Variants in ATP7A observed in about 807,000 individuals in gnomAD.
ATP7A encodes copper-transporting ATPase 1.
In ATP7A, 7 loss-of-function variants were observed where a neutral mutation model predicts 83.5. That is an observed-to-expected ratio of 0.08 (90% CI 0.05 to 0.16). The LOEUF is 0.16. ATP7A is among the 10% of genes least tolerant of loss of function. The pLI is 1.00. For missense variants in ATP7A, 940 were observed against 1,120.8 expected (o/e 0.84, Z 2.30); for synonymous variants, 354 against 395.2 (o/e 0.90, Z 1.24).
intron 18 of ATP7A, among the ~76,000 whole-genome samples, chrX:78,039,379 A>G (rs1384720893): frequency 9.0e-6 from 1 of 110,946 alleles, no homozygotes; most frequent in Non-Finnish European, 1.9e-5. Context: ...TGTTGCCCAA[A>G]CTGGAGTGCA....
intron 17 of ATP7A, among the ~76,000 whole-genome samples, chrX:78,037,266 A>G (rs2078019355): frequency 8.9e-6 from 1 of 112,188 alleles, no homozygotes; most frequent in African/African-American, 3.2e-5. Context: ...CTGCTTATAG[A>G]TCTGTGGTGT....
intron 17 of ATP7A, among the ~76,000 whole-genome samples, chrX:78,038,574 C>T (rs2078028340): frequency 9.0e-6 from 1 of 111,377 alleles, no homozygotes; most frequent in African/African-American, 3.3e-5. Flanking sequence ...TTTGAACTGG[C>T]TCTTGAAGAA....
intron 4 of ATP7A, among the ~76,000 whole-genome samples, chrX:77,995,567 CAAAAAA>C (rs1232051931): frequency 2.9e-5 from 1 of 35,026 alleles, no homozygotes; most frequent in Non-Finnish European, 4.9e-5. Flanking sequence ...GACTCCATCT[CAAAAAA>C]AAAAAAAAAA....
intron 4 of ATP7A, among the ~76,000 whole-genome samples, chrX:77,992,248 A>G (rs1351135402): frequency 9.2e-6 from 1 of 108,778 alleles, no homozygotes; most frequent in Non-Finnish European, 1.9e-5. Context: ...TATTTTTAGT[A>G]GAGATGGGGT....
At chrX:78,003,443 A>T (rs1178279953) in intron 6 of ATP7A, among the ~76,000 whole-genome samples, 2 of 111,114 alleles carry the variant, frequency 1.8e-5, no homozygotes, top group African/African-American at 6.5e-5. Flanking sequence ...TAACCAAAAA[A>T]GAATTGGGTA....
chrX:78,014,426 A>T (rs969099578), intron 10 of ATP7A, among the ~76,000 whole-genome samples: 2 of 110,844 alleles, frequency 1.8e-5, no homozygotes, highest in Admixed American at 9.8e-5. Flanking sequence ...ATAAATAAAT[A>T]AATAATAAAA....
intron 4 of ATP7A, 56 bp downstream of exon 4, chrX:77,990,014 C>T: frequency 8.4e-7 from 1 of 1,190,455 alleles, no homozygotes; most frequent in Non-Finnish European, 1.1e-6. Context: ...CATTTTGCTG[C>T]TTCTTTTGGC....
chrX:77,932,357 A>C (rs1359307279), intron 1 of ATP7A, among the ~76,000 whole-genome samples: 4 of 80,578 alleles, frequency 5.0e-5, no homozygotes, highest in Admixed American at 1.4e-4. Context: ...GGCGGCCGGG[A>C]AGAGGCGCTC....
rs1357268685 is a variant in ATP7A, at chrX:78,047,183, T to C, written c.*613T>C. On this transcript the variant is annotated 3_prime_UTR_variant, in exon 23 of 23. Coordinates refer to ENST00000341514, the MANE Select transcript of ATP7A (RefSeq NM_000052.7). The stretch of plus-strand genomic sequence containing the variant: ...TTAGATGCTCCAATATGTCTTCTTT[T>C]GTTATTTTCTTTCGAGCTAACCAAG... The C allele has an allele frequency of 8.9e-6, 1 of 112,445 alleles. No individual in the cohort carries two copies. Among genetic ancestry groups the C allele is most frequent in the Non-Finnish European group, 1.9e-5 (1 of 53,266 alleles). 9.3% of individuals were successfully genotyped at this position (112,445 alleles called of 1,213,427 possible).
intron 1 of ATP7A, among the ~76,000 whole-genome samples, chrX:77,970,078 A>ACTT (rs1296412753): frequency 1.8e-5 from 2 of 111,291 alleles, no homozygotes; most frequent in Non-Finnish European, 3.8e-5. Flanking sequence ...TAGTAGTTTA[A>ACTT]AGGCTTAACT....
chrX:77,923,833 C>G (rs2077228223), intron 1 of ATP7A: 1 of 111,017 alleles, frequency 9.0e-6, no homozygotes, highest in South Asian at 3.7e-4. Context: ...GTGTATGCAG[C>G]CTTCATCAAA....
chrX:77,923,194 C>T (rs2077224386), intron 1 of ATP7A: 1 of 112,191 alleles, frequency 8.9e-6, no homozygotes, highest in Non-Finnish European at 1.9e-5. Flanking sequence ...TATTGGTAAA[C>T]AAATATGCTA....
chrX:77,992,216 C>T (rs1557232140), intron 4 of ATP7A, among the ~76,000 whole-genome samples: 1 of 109,002 alleles, frequency 9.2e-6, no homozygotes, highest in African/African-American at 3.3e-5. Context: ...AGGCGCCTGA[C>T]ACCATGCCTG....
intron 18 of ATP7A, 32 bp from the exon 19 acceptor site, chrX:78,040,559 A>T (rs2078040874): frequency 8.3e-7 from 1 of 1,199,224 alleles, no homozygotes; most frequent in Non-Finnish European, 1.1e-6. Flanking sequence ...CTATATTCCA[A>T]GTTCTTTTAT....
Position 77,998,608 on chromosome X carries a change from G to A in ATP7A, c.1467G>A (p.Lys489=). ...QDKEEGKNSS[K]CYIQVTGMTC... ...AGGAGGAAGGAAAGAATTCATCTAA[G>A]TGTTACATACAGGTCACTGGCATGA... The change falls in exon 5 of 23, where the codon AAG becomes AAA. Residue 489 remains lysine, a synonymous_variant. Coordinates refer to ENST00000341514, the MANE Select transcript of ATP7A (RefSeq NM_000052.7). 1 of 1,211,876 alleles carries A rather than the reference G, an allele frequency of 8.3e-7. No homozygotes were observed. The highest frequency in any genetic ancestry group is 1.1e-6 in the Non-Finnish European group (1 of 895,535).
chrX:77,920,539 A>G (rs1380958620), intron 1 of ATP7A, among the ~76,000 whole-genome samples: 1 of 110,826 alleles, frequency 9.0e-6, no homozygotes, highest in African/African-American at 3.3e-5. Context: ...TTTAGCTACC[A>G]CTTATAAGTG....
intron 6 of ATP7A, among the ~76,000 whole-genome samples, chrX:78,003,562 A>G (rs2077754114): frequency 9.0e-6 from 1 of 110,941 alleles, no homozygotes; most frequent in South Asian, 3.8e-4. Flanking sequence ...ATAAAGTCAT[A>G]AAACCTGTGT....
chrX:77,976,516 C>G (rs1263646976), intron 2 of ATP7A, among the ~76,000 whole-genome samples: 3 of 111,777 alleles, frequency 2.7e-5, no homozygotes, highest in Non-Finnish European at 5.6e-5. Flanking sequence ...CCCATCATTA[C>G]TCTCTATGAA....
intron 12 of ATP7A, among the ~76,000 whole-genome samples, chrX:78,017,392 C>A (rs2077872762): frequency 8.9e-6 from 1 of 112,480 alleles, no homozygotes; most frequent in Non-Finnish European, 1.9e-5. Flanking sequence ...GCCAAGATCT[C>A]TGACATGTCC....
Sources: allele counts gnomAD v4.1 joint callset (sites outside exome capture counted in the v4.1 genomes callset), GRCh38; gene constraint gnomAD v4.1.1; transcripts MANE v1.5; gene names NCBI Gene and HGNC (gene_info 2026-07-23, HGNC 2026-07-21).